Variants in PHF21B observed in about 807,000 individuals in gnomAD.
PHF21B encodes PHD finger protein 4.
Under a neutral mutation model 62.2 loss-of-function variants are expected in PHF21B, and 22 were observed. The observed-to-expected ratio is 0.35, with a 90% CI of 0.25 to 0.51. The LOEUF (loss-of-function observed/expected upper bound fraction) is 0.51. Ranked by LOEUF, PHF21B falls within the 20% of genes least tolerant of loss-of-function variation. The pLI is 0.97. For missense variants in PHF21B, 701 were observed against 707.9 expected, an observed-to-expected ratio of 0.99 and a Z score of 0.11; for synonymous variants, 341 against 314.7, an observed-to-expected ratio of 1.08 and a Z score of -0.88.
At chr22:44,983,835 T>G (rs1045643903) in intron 2 of PHF21B, among the ~76,000 whole-genome samples, 1 of 152,090 alleles carries the variant, frequency 6.6e-6, no homozygotes, top group African/African-American at 2.4e-5. Context: ...CCACTAATAT[T>G]TGCATAAGCC....
At chr22:44,889,581 C>G (rs2070923661) in intron 9 of PHF21B, among the ~76,000 whole-genome samples, 179 bp downstream of exon 9, 1 of 152,214 alleles carries the variant, frequency 6.6e-6, no homozygotes, top group African/African-American at 2.4e-5. Context: ...TTGACGCTGC[C>G]TGGCCGGCTG....
At chr22:44,925,620 C>T (rs1394639676) in intron 2 of PHF21B, among the ~76,000 whole-genome samples, 1 of 152,226 alleles carries the variant, frequency 6.6e-6, no homozygotes, top group African/African-American at 2.4e-5. Context: ...GAGCCCATGA[C>T]AAACAGCCTC....
At chr22:44,902,500 C>G (rs1235483449) in intron 5 of PHF21B, 1 of 164,916 alleles carries the variant, frequency 6.1e-6, no homozygotes, top group Non-Finnish European at 1.3e-5. Flanking sequence ...ATACTTTTCC[C>G]CCTTCTGCCT....
intron 2 of PHF21B, among the ~76,000 whole-genome samples, chr22:44,925,915 C>T (rs1457379555): frequency 6.6e-6 from 1 of 152,206 alleles, no homozygotes; most frequent in Non-Finnish European, 1.5e-5. Context: ...CAGTCAGGGC[C>T]CCAGGCCAGC....
intron 2 of PHF21B, chr22:45,000,664 C>G (rs992903740): frequency 6.6e-6 from 1 of 152,128 alleles, no homozygotes; most frequent in African/African-American, 2.4e-5. Context: ...TCAAAGCGGA[C>G]TCTTTGGAGT....
intron 2 of PHF21B, among the ~76,000 whole-genome samples, chr22:44,980,442 C>T (rs950124493): frequency 6.6e-6 from 1 of 152,230 alleles, no homozygotes; most frequent in Non-Finnish European, 1.5e-5. Context: ...CATCACCACA[C>T]AGGGCGTCCA....
intron 2 of PHF21B, among the ~76,000 whole-genome samples, chr22:44,963,843 G>T (rs536698508): frequency 3.3e-5 from 5 of 152,336 alleles, no homozygotes; most frequent in African/African-American, 9.6e-5. Context: ...GGACCCCAAG[G>T]GCCAGCCACA....
intron 2 of PHF21B, among the ~76,000 whole-genome samples, chr22:44,962,216 T>C (rs1250252876): frequency 6.6e-6 from 1 of 152,246 alleles, no homozygotes; most frequent in Non-Finnish European, 1.5e-5. Flanking sequence ...CTGAACTAAT[T>C]TACATTCCCA....
chr22:44,964,913 G>A (rs1004488597), intron 2 of PHF21B, among the ~76,000 whole-genome samples: 6 of 152,152 alleles, frequency 3.9e-5, no homozygotes, highest in African/African-American at 1.4e-4. Context: ...TGTGAGGCCG[G>A]GCAGCACCTT....
chr22:44,889,360 A>G (rs1314163462), intron 9 of PHF21B, among the ~76,000 whole-genome samples: 5 of 152,232 alleles, frequency 3.3e-5, no homozygotes, highest in Non-Finnish European at 7.3e-5. Context: ...TAACAAGTCC[A>G]GCCCCTTTTC....
intron 2 of PHF21B, among the ~76,000 whole-genome samples, chr22:44,928,567 G>A (rs926617925): frequency 6.6e-6 from 1 of 152,084 alleles, no homozygotes; most frequent in Admixed American, 6.6e-5. Context: ...CCACCACCAT[G>A]TCTGGCTAAT....
chr22:44,923,409 G>A (rs901962360), intron 2 of PHF21B, among the ~76,000 whole-genome samples: 3 of 149,902 alleles, frequency 2.0e-5, no homozygotes, highest in African/African-American at 4.9e-5. Flanking sequence ...CGAACAAAAT[G>A]TCTCAAATAA....
chr22:44,950,460 G>A (rs1338178433), intron 2 of PHF21B, among the ~76,000 whole-genome samples: 1 of 152,220 alleles, frequency 6.6e-6, no homozygotes, highest in Non-Finnish European at 1.5e-5. Flanking sequence ...TCCACCAACA[G>A]TAAAGGGATT....
chr22:44,964,247 A>G (rs528713848), intron 2 of PHF21B, among the ~76,000 whole-genome samples: 30 of 152,294 alleles, frequency 2.0e-4, no homozygotes, highest in African/African-American at 7.0e-4. Flanking sequence ...TCCCTGCATC[A>G]CTGTTTAACC....
intron 2 of PHF21B, among the ~76,000 whole-genome samples, chr22:44,940,561 C>T (rs1312061454): frequency 6.6e-6 from 1 of 152,236 alleles, no homozygotes; most frequent in Non-Finnish European, 1.5e-5. Context: ...GCCTGAGAGG[C>T]TGCCTAAATG....
At chr22:44,961,609 C>T (rs1459186320) in intron 2 of PHF21B, among the ~76,000 whole-genome samples, 3 of 152,080 alleles carry the variant, frequency 2.0e-5, no homozygotes, top group African/African-American at 7.2e-5. Flanking sequence ...GGGAGGCCTA[C>T]GTGGGCAGAG....
chr22:44,885,830 G>A lies in PHF21B; in HGVS notation c.1273+33C>T, dbSNP rs749537661. ...CCTGGGTGGGGGAGGAGGGGGAGCAGGTACCCTTTTCCACTCCCCAGGGAT... is the reference window on the plus strand; with the variant it reads ...CCTGGGTGGGGGAGGAGGGGGAGCAAGTACCCTTTTCCACTCCCCAGGGAT... On this transcript the variant is annotated intron_variant, in intron 11 of 12. Coordinates refer to ENST00000313237, the MANE Select transcript of PHF21B (RefSeq NM_138415.5). 8 of 1,606,192 alleles carry A rather than the reference G, an allele frequency of 5.0e-6. No homozygotes were observed. The African/African-American group carries it at 1.1e-4, about 21-fold the overall frequency.
rs765229099 is a variant in PHF21B at position 44,916,407 on chromosome 22, G to A, written c.437C>T (p.Ala146Val). 1.1e-5 allele frequency: 18 copies of A among 1,597,728 alleles called. No homozygotes were observed. Among genetic ancestry groups the A allele is most frequent in the South Asian group, 6.6e-5 (6 of 90,510 alleles). ...PAALASPLSS[A>V]GVAYAIISTS... ...GGAGATGATGGCGTAGGCCACCCCCGCACTGCTCAGCGGAGAGGCGAGGGC... is the reference window on the plus strand; with the variant it reads ...GGAGATGATGGCGTAGGCCACCCCCACACTGCTCAGCGGAGAGGCGAGGGC... Residue 146 changes from alanine to valine, a missense_variant, in exon 4 of 13, where the codon GCG (alanine) becomes GTG (valine). By Grantham distance (64) the Ala-to-Val change is moderately conservative (BLOSUM62 0). Transcript: ENST00000313237.
At chr22:44,894,805 G>A (rs897917739) in intron 6 of PHF21B, among the ~76,000 whole-genome samples, 1 of 152,184 alleles carries the variant, frequency 6.6e-6, no homozygotes, top group Non-Finnish European at 1.5e-5. Context: ...GGAGAGGGCT[G>A]TCTTCTCGGA....
Sources: allele counts gnomAD v4.1 joint callset (sites outside exome capture counted in the v4.1 genomes callset), GRCh38; gene constraint gnomAD v4.1.1; transcripts MANE v1.5; gene names NCBI Gene and HGNC (gene_info 2026-07-23, HGNC 2026-07-21).